RHBDD1: variants seen among roughly 807,000 people sequenced by gnomAD.
RHBDD1 encodes rhomboid-related protein 4.
RHBDD1 carries 38 observed loss-of-function variants against 36.3 expected under a neutral mutation model. The observed-to-expected ratio is 1.05, with a 90% confidence interval of 0.81 to 1.37. The LOEUF (loss-of-function observed/expected upper bound fraction) is 1.37. RHBDD1 is among the 40% of genes most tolerant of loss of function. The pLI, the probability that RHBDD1 is intolerant of heterozygous loss-of-function variation, is 0.00. For synonymous variants in RHBDD1, 151 were observed against 136.5 expected (o/e 1.11, Z -0.74); for missense variants, 393 against 377.6 (o/e 1.04, Z -0.34).
At chr2:226,911,731 G>A (rs551599133) in intron 7 of RHBDD1, among the ~76,000 whole-genome samples, 22 of 151,976 alleles carry the variant, frequency 1.4e-4, no homozygotes, top group African/African-American at 5.3e-4. Context: ...ATTTAAAATG[G>A]TAAGATCCAA....
chr2:226,906,913 AGCTTG>A (rs774699145), intron 6 of RHBDD1, 32 bp downstream of exon 6: 13 of 1,606,282 alleles, frequency 8.1e-6, no homozygotes, highest in Admixed American at 3.3e-5. Flanking sequence ...GCATGACAAC[AGCTTG>A]GAAGTTCATG....
chr2:226,811,168 C>G, the RHBDD1 span: 2 of 152,126 alleles, frequency 1.3e-5, no homozygotes, highest in Non-Finnish European at 2.9e-5. Flanking sequence ...TCCCTTTTTC[C>G]CCTCCTATTA....
intron 8 of RHBDD1, among the ~76,000 whole-genome samples, chr2:226,969,764 T>C (rs1269073515): frequency 1.3e-5 from 2 of 152,246 alleles, no homozygotes; most frequent in African/African-American, 4.8e-5. Context: ...ATTTTTTAAA[T>C]GTGATTTCAT....
intron 5 of RHBDD1, among the ~76,000 whole-genome samples, chr2:226,894,468 A>AC (rs1946936901): frequency 6.6e-6 from 1 of 152,128 alleles, no homozygotes; most frequent in Admixed American, 6.5e-5. Context: ...ATGGGGTTTC[A>AC]CCATGTTGGC....
At chr2:226,829,579 CT>C in the RHBDD1 span, among the ~76,000 whole-genome samples, 2 of 152,128 alleles carry the variant, frequency 1.3e-5, no homozygotes, top group Non-Finnish European at 2.9e-5. Context: ...TAATTTGATT[CT>C]AATATTCCTA....
At chr2:226,840,064 AT>A (rs2124947673) in intron 3 of RHBDD1, among the ~76,000 whole-genome samples, 1 of 152,336 alleles carries the variant, frequency 6.6e-6, no homozygotes, top group East Asian at 1.9e-4. Context: ...AATGCTAAGT[AT>A]TTGTTAGATT....
At chr2:226,926,715 C>A (rs1949693412) in intron 8 of RHBDD1, among the ~76,000 whole-genome samples, 1 of 152,140 alleles carries the variant, frequency 6.6e-6, no homozygotes. Context: ...ACTGACAAGT[C>A]TCTCTGTTGC....
chr2:226,870,473 C>T (rs1944707819), intron 5 of RHBDD1, among the ~76,000 whole-genome samples: 1 of 152,128 alleles, frequency 6.6e-6, no homozygotes, highest in Non-Finnish European at 1.5e-5. Context: ...TCCTGAATGA[C>T]AGCAGTCTAA....
intron 5 of RHBDD1, among the ~76,000 whole-genome samples, chr2:226,882,115 A>G (rs1945790356): frequency 6.6e-6 from 1 of 152,242 alleles, no homozygotes; most frequent in African/African-American, 2.4e-5. Flanking sequence ...AAGAACAGAA[A>G]GTGTTTTATA....
At chr2:226,935,687 C>G (rs1950288892) in intron 8 of RHBDD1, among the ~76,000 whole-genome samples, 1 of 151,834 alleles carries the variant, frequency 6.6e-6, no homozygotes, top group South Asian at 2.1e-4. Context: ...AGAGTCTCTT[C>G]CAGTTCCATG....
intron 8 of RHBDD1, among the ~76,000 whole-genome samples, chr2:226,931,851 A>G (rs1205278960): frequency 6.8e-6 from 1 of 148,000 alleles, no homozygotes; most frequent in Non-Finnish European, 1.5e-5. Context: ...GAATTTCAGA[A>G]GAAGCTTGTT....
chr2:226,816,489 G>C, the RHBDD1 span, among the ~76,000 whole-genome samples: 1 of 152,032 alleles, frequency 6.6e-6, no homozygotes, highest in Non-Finnish European at 1.5e-5. Context: ...AGGATCCTTG[G>C]AATGGTTTAA....
At chr2:226,847,187 A>G (rs1318561514) in intron 3 of RHBDD1, among the ~76,000 whole-genome samples, 1 of 152,244 alleles carries the variant, frequency 6.6e-6, no homozygotes, top group Non-Finnish European at 1.5e-5. Context: ...TCCCTAATAT[A>G]CAAGTTGCAT....
intron 8 of RHBDD1, among the ~76,000 whole-genome samples, chr2:226,963,163 A>G (rs945272198): frequency 7.9e-6 from 1 of 125,858 alleles, no homozygotes; most frequent in Non-Finnish European, 1.6e-5. Context: ...GAGAACCGCT[A>G]TGCTTGAGAG....
intron 8 of RHBDD1, among the ~76,000 whole-genome samples, chr2:226,984,404 G>A (rs1956467748): frequency 6.6e-6 from 1 of 152,198 alleles, no homozygotes; most frequent in South Asian, 2.1e-4. Context: ...CACATTGGCA[G>A]AGAGTGCAAG....
In RHBDD1 at chr2:226,949,575, A is replaced by T. The variant is rs372005890; in HGVS notation, c.856+35224A>T. ...TTATTGTTACATTGTTTTGCCTTTC[A>T]TATTGTATTGGTAGGACATAATAAT... On this transcript the variant is annotated intron_variant, in intron 8 of 8. Coordinates refer to ENST00000392062, the MANE Select transcript of RHBDD1 (RefSeq NM_001167608.3). Among the ~76,000 whole-genome samples, 31 of 152,326 alleles carry T rather than the reference A, an allele frequency of 2.0e-4. No individual in the cohort carries two copies. In the East Asian group the frequency reaches 3.1e-3, roughly 15 times the overall value.
At chr2:226,948,557 T>G (rs1201440332) in intron 8 of RHBDD1, among the ~76,000 whole-genome samples, 1 of 33,518 alleles carries the variant, frequency 3.0e-5, no homozygotes, top group African/African-American at 1.2e-4. Context: ...CCCTAAAACT[T>G]AAAGTATAAA....
the RHBDD1 span, among the ~76,000 whole-genome samples, chr2:226,801,104 T>A: frequency 6.6e-6 from 1 of 152,210 alleles, no homozygotes; most frequent in African/African-American, 2.4e-5. Flanking sequence ...GCCGCCCCTT[T>A]ACTACGCCGG....
At chr2:226,968,649 G>A (rs189962115) in intron 8 of RHBDD1, among the ~76,000 whole-genome samples, 11 of 152,282 alleles carry the variant, frequency 7.2e-5, no homozygotes, top group African/African-American at 1.4e-4. Context: ...GAATGTTTGC[G>A]CACTCTCTCC....
Sources: allele counts gnomAD v4.1 joint callset (sites outside exome capture counted in the v4.1 genomes callset), GRCh38; gene constraint gnomAD v4.1.1; transcripts MANE v1.5; gene names NCBI Gene and HGNC (gene_info 2026-07-23, HGNC 2026-07-21).